GRM7: variants seen among roughly 807,000 people sequenced by gnomAD.
The protein encoded by GRM7 is glutamate metabotropic receptor 7.
A neutral mutation model predicts 84.5 loss-of-function variants in GRM7; 35 were observed. The ratio of observed to expected loss-of-function variants is 0.41; its 90% confidence interval spans 0.32 to 0.55. The LOEUF (loss-of-function observed/expected upper bound fraction) is 0.55, where lower values mean the gene tolerates loss of function less well. Ranked by LOEUF, GRM7 falls within the 20% of genes least tolerant of loss-of-function variation. The pLI, the probability that GRM7 is intolerant of heterozygous loss-of-function variation, is 0.19. For missense variants in GRM7, 1,003 were observed against 1,194.6 expected, an observed-to-expected ratio of 0.84 and a Z score of 2.36; for synonymous variants, 487 against 455.1, an observed-to-expected ratio of 1.07 and a Z score of -0.89.
At position 7,503,328 on chromosome 3, in the gene GRM7, G is replaced by A. The variant is rs555263599; in HGVS notation, c.1515+41606G>A. Among the ~76,000 whole-genome samples the A allele has an allele frequency of 5.3e-4, 80 of 151,890 alleles. No individual in the cohort carries two copies. In the South Asian group the frequency reaches 0.016, roughly 30 times the overall value. ...TTAGTGTCATGGGAACAAGTCCAGG[G>A]AATGGCTCTTTTCTAGATGACAGTG... On this transcript the variant is annotated intron_variant, in intron 7 of 9. Coordinates refer to ENST00000357716, the MANE Select transcript of GRM7 (RefSeq NM_000844.4).
intron 1 of GRM7, among the ~76,000 whole-genome samples, chr3:7,083,411 A>G (rs1698335152): frequency 6.6e-6 from 1 of 152,110 alleles, no homozygotes; most frequent in Non-Finnish European, 1.5e-5. Flanking sequence ...TGTGAACACA[A>G]TTTTCCTGTG....
chr3:7,326,874 AATCT>A (rs1701010006), intron 4 of GRM7, among the ~76,000 whole-genome samples: 2 of 151,908 alleles, frequency 1.3e-5, no homozygotes, highest in Admixed American at 1.3e-4. Flanking sequence ...TTTTGCCCAC[AATCT>A]ATCCTCACCA....
intron 2 of GRM7, among the ~76,000 whole-genome samples, chr3:7,247,127 C>A (rs1387607191): frequency 1.3e-5 from 2 of 152,018 alleles, no homozygotes; most frequent in Non-Finnish European, 2.9e-5. Context: ...AAATCTTAAC[C>A]CTTGCCTCTC....
At chr3:7,077,724 TA>T (rs1318165489) in intron 1 of GRM7, among the ~76,000 whole-genome samples, 1 of 151,790 alleles carries the variant, frequency 6.6e-6, no homozygotes, top group Non-Finnish European at 1.5e-5. Context: ...AGTATAATAA[TA>T]AAAAATAAAG....
At chr3:7,600,187 G>T (rs3804878) in intron 8 of GRM7, among the ~76,000 whole-genome samples, 7 of 151,702 alleles carry the variant, frequency 4.6e-5, no homozygotes. Context: ...GTTTGTTTTC[G>T]GTGGTTACTT....
chr3:7,535,635 T>A (rs936710448), intron 7 of GRM7, among the ~76,000 whole-genome samples: 10 of 152,236 alleles, frequency 6.6e-5, no homozygotes, highest in African/African-American at 2.4e-4. Context: ...CCCTTCATAG[T>A]AAGAGTCTCT....
At chr3:7,557,536 TAG>T in intron 7 of GRM7, among the ~76,000 whole-genome samples, 1 of 152,162 alleles carries the variant, frequency 6.6e-6, no homozygotes, top group East Asian at 1.9e-4. Context: ...TGAGTGCTTT[TAG>T]ATTTTCAGGG....
intron 4 of GRM7, among the ~76,000 whole-genome samples, chr3:7,363,907 C>A (rs2125108404): frequency 6.6e-6 from 1 of 152,108 alleles, no homozygotes; most frequent in Non-Finnish European, 1.5e-5. Flanking sequence ...ATTTTCTCTT[C>A]TGCAAATTTA....
intron 7 of GRM7, among the ~76,000 whole-genome samples, chr3:7,510,537 A>C (rs1700167970): frequency 6.6e-6 from 1 of 152,182 alleles, no homozygotes; most frequent in Admixed American, 6.5e-5. Context: ...TTTAGATACA[A>C]ACAAATTCAA....
intron 4 of GRM7, among the ~76,000 whole-genome samples, chr3:7,311,695 G>T (rs529660159): frequency 6.6e-6 from 1 of 151,550 alleles, no homozygotes; most frequent in Non-Finnish European, 1.5e-5. Flanking sequence ...CCGGGTTTAA[G>T]TGATTCTCCT....
chr3:7,118,635 A>G (rs376557892), intron 1 of GRM7, among the ~76,000 whole-genome samples: 158 of 151,944 alleles, frequency 1.0e-3, no homozygotes, highest in African/African-American at 3.7e-3. Flanking sequence ...AGCCAAAGAA[A>G]GTAATTAAAA....
Position 7,678,904 on chromosome 3 carries a change from A to C in GRM7, c.2452-1145A>C, listed in dbSNP as rs532987486. Among the ~76,000 whole-genome samples the C allele has an allele frequency of 5.3e-5, 8 of 152,338 alleles. No individual in the cohort carries two copies. The East Asian group carries it at 1.2e-3, about 22-fold the overall frequency. ...GGTAGGAAAAAGGTGTCCATTAGAC[A>C]AACACATGAGCCTATCCATTGTATG... On this transcript the variant is annotated intron_variant, in intron 8 of 9. Transcript: ENST00000357716.
At position 6,880,210 on chromosome 3, in the gene GRM7, C is replaced by T. The variant is rs558087408; in HGVS notation, c.519+18303C>T. On this transcript the variant is annotated intron_variant, in intron 1 of 9. Transcript: ENST00000357716. ...CTGCACAGACTTCATTCCCAGTCTC[C>T]CCGACAAAGAACCCCAAATTCTACT... Among the ~76,000 whole-genome samples the T allele has an allele frequency of 2.0e-5, 3 of 152,202 alleles. No individual in the cohort carries two copies. In the South Asian group the frequency reaches 6.2e-4, roughly 32 times the overall value.
intron 2 of GRM7, among the ~76,000 whole-genome samples, chr3:7,290,007 TAAA>T (rs1234942954): frequency 4.0e-5 from 6 of 151,838 alleles, no homozygotes; most frequent in African/African-American, 1.4e-4. Flanking sequence ...TAAAGTATAA[TAAA>T]AAATAAAATA....
chr3:7,006,969 A>G (rs540175811), intron 1 of GRM7, among the ~76,000 whole-genome samples: 1 of 152,252 alleles, frequency 6.6e-6, no homozygotes, highest in African/African-American at 2.4e-5. Flanking sequence ...CAATGAGTAT[A>G]AAAGGATATG....
intron 9 of GRM7, chr3:7,681,125 G>A (rs1018283412): frequency 6.6e-6 from 1 of 152,170 alleles, no homozygotes; most frequent in Non-Finnish European, 1.5e-5. Context: ...GTAAATTTCA[G>A]ATTTAAAATA....
At chr3:6,935,558 A>G (rs1697659153) in intron 1 of GRM7, among the ~76,000 whole-genome samples, 1 of 151,908 alleles carries the variant, frequency 6.6e-6, no homozygotes. Flanking sequence ...GTGAAAACAG[A>G]TCTGAGCCTT....
chr3:6,926,190 A>G (rs1434891274), intron 1 of GRM7, among the ~76,000 whole-genome samples: 3 of 152,224 alleles, frequency 2.0e-5, no homozygotes, highest in East Asian at 1.9e-4. Context: ...ATAAAGAAAA[A>G]CACAAAAATC....
At chr3:7,382,124 C>T (rs1019937210) in intron 4 of GRM7, among the ~76,000 whole-genome samples, 2 of 152,070 alleles carry the variant, frequency 1.3e-5, no homozygotes, top group African/African-American at 4.8e-5. Flanking sequence ...CTCTCTGTCT[C>T]TAAAAAAAAT....
Sources: gnomAD v4.1 joint callset for allele counts (sites outside exome capture counted in the v4.1 genomes callset) on GRCh38, gnomAD v4.1.1 for gene constraint, MANE v1.5 for transcripts, NCBI Gene and HGNC (gene_info 2026-07-23, HGNC 2026-07-21) for gene names.